MTX2: variants seen among roughly 807,000 people sequenced by gnomAD.
MTX2 encodes metaxin 2.
MTX2 carries 35 observed loss-of-function variants against 42.3 expected under a neutral mutation model. The ratio of observed to expected loss-of-function variants is 0.83; its 90% CI spans 0.63 to 1.10. The LOEUF (loss-of-function observed/expected upper bound fraction) is 1.10, where lower values mean the gene tolerates loss of function less well. Ranked by LOEUF, MTX2 falls within the 50% of genes least tolerant of loss-of-function variation. The pLI is 0.00. For missense variants in MTX2, 307 were observed against 304.1 expected (o/e 1.01, Z -0.07); for synonymous variants, 119 against 100.9 (o/e 1.18, Z -1.08).
intron 1 of MTX2, among the ~76,000 whole-genome samples, chr2:176,295,073 T>C (rs1354067258): frequency 6.6e-6 from 1 of 152,184 alleles, no homozygotes; most frequent in Non-Finnish European, 1.5e-5. Flanking sequence ...CTTCTTTCTT[T>C]CTACAGACAA....
chr2:176,328,168 T>G, intron 5 of MTX2, 125 bp from the exon 6 acceptor site: 1 of 464,478 alleles, frequency 2.2e-6, no homozygotes, highest in Non-Finnish European at 3.8e-6. Flanking sequence ...AAATAATTTT[T>G]AGGGGGCATT....
At chr2:176,308,015 G>A (rs1052655685) in intron 3 of MTX2, among the ~76,000 whole-genome samples, 5 of 152,118 alleles carry the variant, frequency 3.3e-5, no homozygotes, top group Non-Finnish European at 7.4e-5. Flanking sequence ...TGCCTATTCA[G>A]TATGATATTG....
intron 9 of MTX2, among the ~76,000 whole-genome samples, chr2:176,331,523 T>C (rs1409218425): frequency 1.3e-5 from 2 of 151,188 alleles, no homozygotes; most frequent in Non-Finnish European, 3.0e-5. Flanking sequence ...TGGGTAAAGA[T>C]AATATTTGTA....
At chr2:176,282,697 C>CTT (rs869158492) in intron 1 of MTX2, among the ~76,000 whole-genome samples, 1 of 143,692 alleles carries the variant, frequency 7.0e-6, no homozygotes, top group Non-Finnish European at 1.5e-5. Flanking sequence ...AGTTTATCTA[C>CTT]TTTTTTTTTT....
intron 1 of MTX2, among the ~76,000 whole-genome samples, chr2:176,282,868 T>C (rs1693114928): frequency 6.6e-6 from 1 of 152,014 alleles, no homozygotes; most frequent in Non-Finnish European, 1.5e-5. Context: ...CACACCTGGC[T>C]AATTTTTGTA....
chr2:176,289,834 T>A (rs951577859), intron 1 of MTX2, among the ~76,000 whole-genome samples: 2 of 152,042 alleles, frequency 1.3e-5, no homozygotes, highest in Non-Finnish European at 2.9e-5. Flanking sequence ...TATATAAAAT[T>A]TAATCTTGGT....
In MTX2 at chr2:176,269,520, G is replaced by A; in HGVS notation, c.-110G>A. 1 of 1,261,654 alleles carries A rather than the reference G, an allele frequency of 7.9e-7. No homozygotes were observed. The highest frequency in any genetic ancestry group is 1.5e-5 in the South Asian group (1 of 67,682). The allele number at this position is 1,261,654 out of a possible 1,614,324, so 78.2% of individuals were successfully genotyped here. ...CTGTTGGAGTGGGCTTTGCGAGTCT[G>A]AACGTTGGCGGGGCTAGGCTCGTTA... On this transcript the variant is annotated 5_prime_UTR_variant, in exon 1 of 10. Coordinates refer to ENST00000249442, the MANE Select transcript of MTX2 (RefSeq NM_006554.5).
At chr2:176,302,158 G>A (rs1289324650) in intron 3 of MTX2, among the ~76,000 whole-genome samples, 2 of 144,278 alleles carry the variant, frequency 1.4e-5, no homozygotes, top group African/African-American at 2.6e-5. Context: ...GCTTAATCTA[G>A]ATATTATAAA....
chr2:176,302,150 T>TTTTTTTTTA (rs1432652540), intron 3 of MTX2, among the ~76,000 whole-genome samples: 4 of 150,514 alleles, frequency 2.7e-5, no homozygotes, highest in African/African-American at 9.8e-5. Context: ...TTTGTATGGC[T>TTTTTTTTTA]TAATCTAGAT....
intron 1 of MTX2, among the ~76,000 whole-genome samples, chr2:176,294,417 G>A (rs1402054065): frequency 6.6e-6 from 1 of 151,784 alleles, no homozygotes. Context: ...CTGAGTAGCT[G>A]GGATTACAGG....
chr2:176,292,978 T>A (rs773018913), intron 1 of MTX2, among the ~76,000 whole-genome samples: 2 of 152,212 alleles, frequency 1.3e-5, no homozygotes, highest in African/African-American at 4.8e-5. Flanking sequence ...ATGTGTAATA[T>A]TGTGTGTAAC....
At chr2:176,281,086 G>A (rs1459318178) in intron 1 of MTX2, among the ~76,000 whole-genome samples, 1 of 152,204 alleles carries the variant, frequency 6.6e-6, no homozygotes, top group Non-Finnish European at 1.5e-5. Context: ...AGTAAAAAGT[G>A]TGTCTGGTTA....
chr2:176,308,215 A>G (rs980720659), intron 3 of MTX2, among the ~76,000 whole-genome samples: 6 of 152,098 alleles, frequency 3.9e-5, no homozygotes, highest in Non-Finnish European at 5.9e-5. Context: ...TGATTTGCGT[A>G]TGTTGAACCA....
chr2:176,277,682 G>T (rs1368740053), intron 1 of MTX2, among the ~76,000 whole-genome samples: 1 of 152,172 alleles, frequency 6.6e-6, no homozygotes, highest in Non-Finnish European at 1.5e-5. Flanking sequence ...GATTACAGGC[G>T]TGAGCCACCG....
intron 3 of MTX2, among the ~76,000 whole-genome samples, chr2:176,306,966 A>T (rs927644172): frequency 3.9e-5 from 6 of 152,162 alleles, no homozygotes; most frequent in African/African-American, 1.4e-4. Context: ...GGTGTTTTAG[A>T]CATGAAGTCC....
chr2:176,303,732 G>A (rs1394669653), intron 3 of MTX2, among the ~76,000 whole-genome samples: 6 of 152,060 alleles, frequency 3.9e-5, no homozygotes, highest in Non-Finnish European at 8.8e-5. Context: ...AGGCAGTGTA[G>A]AATTTGTGGA....
At chr2:176,316,098 A>C (rs1454225544) in intron 3 of MTX2, among the ~76,000 whole-genome samples, 1 of 152,178 alleles carries the variant, frequency 6.6e-6, no homozygotes, top group East Asian at 1.9e-4. Context: ...CTCAGTATAT[A>C]CATGTTGAAT....
chr2:176,300,304 T>G (rs1683990670), intron 3 of MTX2, among the ~76,000 whole-genome samples: 1 of 152,096 alleles, frequency 6.6e-6, no homozygotes, highest in African/African-American at 2.4e-5. Context: ...TTGGCCACAT[T>G]TGTGATTTGA....
intron 3 of MTX2, among the ~76,000 whole-genome samples, chr2:176,322,553 T>A (rs1279599589): frequency 6.6e-6 from 1 of 151,954 alleles, no homozygotes; most frequent in Admixed American, 6.6e-5. Flanking sequence ...AGCCAAGAAG[T>A]CATAGAAGAG....
Sources: gnomAD v4.1 joint callset for allele counts (sites outside exome capture counted in the v4.1 genomes callset) on GRCh38, gnomAD v4.1.1 for gene constraint, MANE v1.5 for transcripts, NCBI Gene and HGNC (gene_info 2026-07-23, HGNC 2026-07-21) for gene names.